Variants in CLIC5 observed in about 807,000 individuals in gnomAD.
CLIC5 encodes CLIC family member 5.
In CLIC5, 20 loss-of-function variants were observed where a neutral mutation model predicts 24.7. The ratio of observed to expected loss-of-function variants is 0.81; its 90% CI spans 0.57 to 1.18. The LOEUF is 1.18. Ranked by LOEUF, CLIC5 falls within the 50% of genes most tolerant of loss-of-function variation. CLIC5 has a pLI of 0.00. For synonymous variants in CLIC5, 159 were observed against 135.6 expected, an observed-to-expected ratio of 1.17 and a Z score of -1.20; for missense variants, 341 against 326.1, an observed-to-expected ratio of 1.05 and a Z score of -0.35.
the CLIC5 span, among the ~76,000 whole-genome samples, chr6:46,120,672 T>TA: frequency 6.6e-6 from 1 of 152,046 alleles, no homozygotes; most frequent in Non-Finnish European, 1.5e-5. Context: ...ATAAAGAAGT[T>TA]AAAAACACTG....
At chr6:45,885,261 G>A (rs1762295744) in intron 6 of CLIC5, among the ~76,000 whole-genome samples, 1 of 152,254 alleles carries the variant, frequency 6.6e-6, no homozygotes, top group Non-Finnish European at 1.5e-5. Flanking sequence ...TCTACCATGT[G>A]TGGATACAAT....
intron 1 of CLIC5, among the ~76,000 whole-genome samples, chr6:45,979,951 C>CTTTTTTTTTTTTTTT (rs3997321): frequency 4.2e-5 from 4 of 95,042 alleles, no homozygotes; most frequent in Non-Finnish European, 8.0e-5. Flanking sequence ...GACTTAGTCA[C>CTTTTTTTTTTTTTTT]TTTTTTTTTT....
intron 5 of CLIC5, among the ~76,000 whole-genome samples, chr6:45,908,428 G>T (rs1230025594): frequency 2.0e-5 from 3 of 152,004 alleles, no homozygotes; most frequent in Non-Finnish European, 4.4e-5. Flanking sequence ...AACTTTCCTT[G>T]TAATATTGCT....
At chr6:46,088,998 G>T in the CLIC5 span, among the ~76,000 whole-genome samples, 7 of 152,166 alleles carry the variant, frequency 4.6e-5, no homozygotes, top group Non-Finnish European at 7.3e-5. Context: ...TTTGCATGGT[G>T]CCTTAAGATT....
chr6:45,911,905 G>C (rs1233615288), intron 5 of CLIC5: 2 of 985,592 alleles, frequency 2.0e-6, no homozygotes, highest in Non-Finnish European at 2.4e-6. Context: ...TGAGAACTAG[G>C]AGGGGGCCAG....
chr6:46,015,424 G>C, intron 1 of CLIC5, 56 bp downstream of exon 1: 1 of 1,461,192 alleles, frequency 6.8e-7, no homozygotes, highest in Non-Finnish European at 9.1e-7. Context: ...GAGCCCTGGT[G>C]GGTGAGCCCG....
chr6:46,068,984 G>A (rs966661519), intron 1 of CLIC5, among the ~76,000 whole-genome samples: 4 of 152,172 alleles, frequency 2.6e-5, no homozygotes, highest in East Asian at 1.9e-4. Flanking sequence ...GGAGTGCAGA[G>A]CCAACACAGC....
chr6:46,012,009 A>C (rs1370584201), intron 1 of CLIC5, among the ~76,000 whole-genome samples: 1 of 152,162 alleles, frequency 6.6e-6, no homozygotes, highest in East Asian at 1.9e-4. Flanking sequence ...TCAATTTACA[A>C]AGTGTTTTCA....
intron 2 of CLIC5, 92 bp downstream of exon 2, chr6:45,955,043 G>T: frequency 4.8e-6 from 4 of 830,930 alleles, no homozygotes; most frequent in Non-Finnish European, 8.0e-6. Flanking sequence ...GCAGGGGGCT[G>T]CTGGGAGCCA....
intron 1 of CLIC5, among the ~76,000 whole-genome samples, chr6:45,974,522 TAGAG>T (rs58729329): frequency 0.072 from 4,716 of 65,190 alleles, 72 homozygotes; most frequent in Non-Finnish European, 0.077. Context: ...TATATATATA[TAGAG>T]AGAGAGAGAG....
At chr6:45,976,273 T>C (rs1008077077) in intron 1 of CLIC5, among the ~76,000 whole-genome samples, 4 of 152,236 alleles carry the variant, frequency 2.6e-5, no homozygotes, top group African/African-American at 9.6e-5. Flanking sequence ...CGTTTACTAC[T>C]GGGTGGGACA....
At chr6:45,888,515 A>G (rs1194306227) in intron 6 of CLIC5, among the ~76,000 whole-genome samples, 1 of 152,222 alleles carries the variant, frequency 6.6e-6, no homozygotes, top group Non-Finnish European at 1.5e-5. Flanking sequence ...TTTGGAAGAG[A>G]AGCACATGGC....
chr6:46,052,818 T>A (rs1453093931), intron 1 of CLIC5, among the ~76,000 whole-genome samples: 1 of 151,882 alleles, frequency 6.6e-6, no homozygotes, highest in Non-Finnish European at 1.5e-5. Flanking sequence ...GTGCTTCCAG[T>A]CTCGGTGTGG....
chr6:46,086,646 C>T, the CLIC5 span, among the ~76,000 whole-genome samples: 1 of 152,188 alleles, frequency 6.6e-6, no homozygotes, highest in African/African-American at 2.4e-5. Context: ...CCACATAACA[C>T]AGATAGCAGT....
At chr6:46,045,023 G>T (rs1415012245) in intron 1 of CLIC5, among the ~76,000 whole-genome samples, 1 of 152,066 alleles carries the variant, frequency 6.6e-6, no homozygotes, top group African/African-American at 2.4e-5. Flanking sequence ...ATCATTCTTA[G>T]CTTGCTGACC....
At chr6:45,884,985 C>A (rs1762293735) in intron 6 of CLIC5, among the ~76,000 whole-genome samples, 1 of 56,198 alleles carries the variant, frequency 1.8e-5, no homozygotes, top group Admixed American at 1.6e-4. Flanking sequence ...TAAAAAATCA[C>A]AACTTTTTCA....
intron 6 of CLIC5, among the ~76,000 whole-genome samples, chr6:45,885,436 C>T (rs1314645451): frequency 6.6e-6 from 1 of 152,122 alleles, no homozygotes; most frequent in Non-Finnish European, 1.5e-5. Flanking sequence ...TACTAAATAC[C>T]TCCCCTAAAT....
intron 1 of CLIC5, among the ~76,000 whole-genome samples, chr6:45,972,526 G>A (rs767172328): frequency 6.6e-6 from 1 of 152,160 alleles, no homozygotes; most frequent in Non-Finnish European, 1.5e-5. Context: ...GCCCTAAGAG[G>A]GATAGTTTTC....
rs561973532 is a variant in CLIC5, at chr6:46,005,470, C to T, written c.63+10010G>A. Among the ~76,000 whole-genome samples the T allele has an allele frequency of 2.0e-5, 3 of 152,234 alleles. No homozygotes were observed. In the South Asian group the frequency reaches 6.2e-4, roughly 32 times the overall value. On this transcript the variant is annotated intron_variant, in intron 1 of 5. Coordinates refer to ENST00000339561, the MANE Select transcript of CLIC5 (RefSeq NM_016929.5). ...TGCCTCAGATGCAGGGCCAAATGCA[C>T]CATGTTTAGATAATTAAGCACTTCC...
Sources: gnomAD v4.1 joint callset for allele counts (sites outside exome capture counted in the v4.1 genomes callset) on GRCh38, gnomAD v4.1.1 for gene constraint, MANE v1.5 for transcripts, NCBI Gene and HGNC (gene_info 2026-07-23, HGNC 2026-07-21) for gene names.